ZMYM5: variants seen among roughly 807,000 people sequenced by gnomAD.
ZMYM5 encodes zinc finger MYM-type containing 5, also known as zinc finger MYM-type protein 5.
ZMYM5 carries 41 observed loss-of-function variants against 61.8 expected under a neutral mutation model. The ratio of observed to expected loss-of-function variants is 0.66; its 90% CI spans 0.52 to 0.86. The LOEUF (loss-of-function observed/expected upper bound fraction) is 0.86. ZMYM5 is among the 40% of genes least tolerant of loss of function. The probability of loss-of-function intolerance (pLI) is 0.00; values close to 1 mark genes in which losing one functional copy is unlikely to be tolerated. For synonymous variants in ZMYM5, 257 were observed against 276.4 expected, an observed-to-expected ratio of 0.93 and a Z score of 0.70; for missense variants, 706 against 786.7, an observed-to-expected ratio of 0.90 and a Z score of 1.23.
intron 4 of ZMYM5, chr13:19,843,493 C>T (rs1566097260): frequency 6.7e-6 from 1 of 148,208 alleles, no homozygotes; most frequent in East Asian, 2.0e-4. Flanking sequence ...CTAAAACAAG[C>T]AATAAATATC....
chr13:19,856,238 G>C (rs1242937184), intron 2 of ZMYM5, among the ~76,000 whole-genome samples: 1 of 152,150 alleles, frequency 6.6e-6, no homozygotes, highest in Non-Finnish European at 1.5e-5. Context: ...CTGAGTTTTA[G>C]TTTCCTAAAC....
intron 6 of ZMYM5, among the ~76,000 whole-genome samples, chr13:19,837,032 T>TA (rs921414842): frequency 8.1e-6 from 1 of 123,630 alleles, no homozygotes; most frequent in Non-Finnish European, 1.7e-5. Context: ...TTGTTTTTTT[T>TA]TTTTTCTTTC....
chr13:19,831,717 T>C (rs1287405911), intron 7 of ZMYM5, among the ~76,000 whole-genome samples: 4 of 136,076 alleles, frequency 2.9e-5, no homozygotes, highest in Non-Finnish European at 4.6e-5. Flanking sequence ...GGAGAATCGC[T>C]TGAAGCGGGA....
rs1890776632 is a variant in ZMYM5 at position 19,823,773 on chromosome 13, T to C, written c.*704A>G. On this transcript the variant is annotated 3_prime_UTR_variant, in exon 8 of 8. Transcript: ENST00000337963. ...TGTTGAGAATGCTTGTTCACATAAGTATCTTATTCAAACTGGTATTGATCA... is the reference window on the plus strand; with the variant it reads ...TGTTGAGAATGCTTGTTCACATAAGCATCTTATTCAAACTGGTATTGATCA... 1 of 152,180 alleles carries C rather than the reference T, an allele frequency of 6.6e-6. No homozygotes were observed. Among genetic ancestry groups the C allele is most frequent in the South Asian group, 2.1e-4 (1 of 4,832 alleles). The allele number at this position is 152,180 out of a possible 1,614,324, so 9.4% of individuals were successfully genotyped here.
intron 2 of ZMYM5, among the ~76,000 whole-genome samples, chr13:19,860,060 C>T (rs1193064992): frequency 2.3e-5 from 3 of 131,970 alleles, no homozygotes; most frequent in African/African-American, 8.7e-5. Flanking sequence ...GCCTAGATCA[C>T]GCCATTGCAC....
chr13:19,856,364 G>A (rs529249568), intron 2 of ZMYM5, among the ~76,000 whole-genome samples: 4 of 152,184 alleles, frequency 2.6e-5, no homozygotes, highest in African/African-American at 9.6e-5. Context: ...AATTATGACC[G>A]GCCAGATGGC....
chr13:19,830,966 GGT>G (rs1194103231), intron 7 of ZMYM5, among the ~76,000 whole-genome samples: 1 of 149,878 alleles, frequency 6.7e-6, no homozygotes, highest in Non-Finnish European at 1.5e-5. Flanking sequence ...CAGCCTCCAG[GGT>G]AGTTGGGACT....
At chr13:19,845,143 T>C (rs1216416310) in intron 4 of ZMYM5, among the ~76,000 whole-genome samples, 1 of 152,166 alleles carries the variant, frequency 6.6e-6, no homozygotes, top group Non-Finnish European at 1.5e-5. Context: ...AAATGACATA[T>C]AAACATTAAC....
chr13:19,838,883 G>A lies in ZMYM5; in HGVS notation c.689C>T (p.Pro230Leu). 6.2e-7 allele frequency: 1 copy of A among 1,614,140 alleles called. No individual in the cohort carries two copies. Among genetic ancestry groups the A allele is most frequent in the East Asian group, 2.2e-5 (1 of 44,880 alleles). The change falls in exon 5 of 8, where the codon CCT (proline) becomes CTT (leucine). Residue 230 changes from proline (P) to leucine (L), a missense_variant. Coordinates refer to ENST00000337963, the MANE Select transcript of ZMYM5 (RefSeq NM_001142684.2). ...TTTAGTAAGTTGTTGTTGGGCTGTAGGCTGGAAATTCTGCTTACGAAGTAA... is the reference window on the plus strand; with the variant it reads ...TTTAGTAAGTTGTTGTTGGGCTGTAAGCTGGAAATTCTGCTTACGAAGTAA... ...VALLRKQNFQ[P>L]TAQQQLTKPA... is the part of the protein sequence containing the mutation.
intron 2 of ZMYM5, among the ~76,000 whole-genome samples, chr13:19,860,577 C>T (rs989329982): frequency 1.3e-5 from 2 of 151,380 alleles, no homozygotes; most frequent in Admixed American, 6.6e-5. Flanking sequence ...TACTGAGATT[C>T]CAGGTGTGAG....
chr13:19,828,435 T>C (rs1219816659), intron 7 of ZMYM5, among the ~76,000 whole-genome samples: 2 of 150,730 alleles, frequency 1.3e-5, no homozygotes, highest in East Asian at 2.0e-4. Context: ...GATCGTGCCA[T>C]TGCACTCCAG....
intron 4 of ZMYM5, among the ~76,000 whole-genome samples, chr13:19,851,104 G>C (rs554175470): frequency 1.3e-5 from 2 of 152,162 alleles, no homozygotes; most frequent in African/African-American, 4.8e-5. Flanking sequence ...ATCTACTCAG[G>C]AGGCTCAGGC....
chr13:19,826,518 A>G (rs1460423852), intron 7 of ZMYM5, among the ~76,000 whole-genome samples: 11 of 152,154 alleles, frequency 7.2e-5, no homozygotes, highest in African/African-American at 2.4e-5. Flanking sequence ...GCACTTTGGG[A>G]GGCCGAGGTG....
rs549855598 is a variant in ZMYM5, at chr13:19,824,394, C to A, written c.*83G>T. On this transcript the variant is annotated 3_prime_UTR_variant, in exon 8 of 8. Transcript: ENST00000337963. ...TACTCTGTAGAGGAGACTTACAACA[C>A]AATAGTACTGACTATTGCAGGACAG... 7.5e-4 allele frequency: 893 copies of A among 1,187,254 alleles called. 1 individual carries two copies. The highest frequency in any genetic ancestry group is 1.9e-3 in the Admixed American group (46 of 24,822). The allele number at this position is 1,187,254 out of a possible 1,614,324, so 73.5% of individuals were successfully genotyped here. A position where few individuals can be genotyped will look rare whatever the true frequency, so the allele number is the denominator to read the frequency against.
chr13:19,840,374 T>C (rs1318086064), intron 4 of ZMYM5, among the ~76,000 whole-genome samples: 1 of 152,162 alleles, frequency 6.6e-6, no homozygotes, highest in Non-Finnish European at 1.5e-5. Flanking sequence ...TAGCTGGGTG[T>C]GGTGGCGCTC....
intron 3 of ZMYM5, 89 bp from the exon 4 acceptor site, chr13:19,851,537 T>C: frequency 1.3e-6 from 2 of 1,562,730 alleles, no homozygotes; most frequent in South Asian, 1.1e-5. Flanking sequence ...CAAGTTGGTA[T>C]TCTATAGTGA....
chr13:19,832,606 A>G (rs1280457609), intron 7 of ZMYM5, among the ~76,000 whole-genome samples: 1 of 152,152 alleles, frequency 6.6e-6, no homozygotes, highest in African/African-American at 2.4e-5. Context: ...GATTACAGAC[A>G]TGAGCCACCA....
chr13:19,847,748 T>C (rs1953129915), intron 4 of ZMYM5, among the ~76,000 whole-genome samples: 2 of 148,854 alleles, frequency 1.3e-5, no homozygotes, highest in African/African-American at 2.5e-5. Context: ...GTCATTCTCC[T>C]GCCTCAGCCT....
intron 7 of ZMYM5, 98 bp from the exon 8 acceptor site, chr13:19,825,333 C>A: frequency 9.4e-7 from 1 of 1,059,980 alleles, no homozygotes; most frequent in Non-Finnish European, 1.2e-6. Flanking sequence ...CATTAGGCAT[C>A]AAAGAAATGC....
Sources: gnomAD v4.1 joint callset for allele counts (sites outside exome capture counted in the v4.1 genomes callset) on GRCh38, gnomAD v4.1.1 for gene constraint, MANE v1.5 for transcripts, NCBI Gene and HGNC (gene_info 2026-07-23, HGNC 2026-07-21) for gene names.